Variants in MCF2 observed in about 807,000 individuals in gnomAD.
The protein encoded by MCF2 is MCF.2 cell line derived transforming sequence.
MCF2 carries 44 observed loss-of-function variants against 82.5 expected under a neutral mutation model. The observed-to-expected ratio is 0.53, with a 90% CI of 0.42 to 0.69. The LOEUF is 0.69. Among genes scored for constraint, MCF2 ranks in the 30% least tolerant of loss-of-function variants. The pLI is 0.00. For missense variants in MCF2, 623 were observed against 663.1 expected, an observed-to-expected ratio of 0.94 and a Z score of 0.66; for synonymous variants, 217 against 224.9, an observed-to-expected ratio of 0.96 and a Z score of 0.32.
At chrX:139,598,377 A>G (rs1930273150) in intron 17 of MCF2, 29 bp downstream of exon 21, 2 of 984,480 alleles carry the variant, frequency 2.0e-6, no homozygotes, top group East Asian at 3.1e-5. Context: ...CAAAAAGTAA[A>G]GAAACAAACA....
chrX:139,646,695 T>C (rs780993820), upstream of MCF2: 18 of 405,156 alleles, frequency 4.4e-5, no homozygotes, highest in South Asian at 4.5e-4. Flanking sequence ...TTCACCATGA[T>C]AATAATAGCT....
intron 5 of MCF2, 137 bp from the exon 9 acceptor site, chrX:139,626,444 C>T: frequency 1.7e-6 from 1 of 591,025 alleles, no homozygotes; most frequent in Non-Finnish European, 2.7e-6. Context: ...TAGAGACAAC[C>T]AATGTCCACA....
chrX:139,625,451 C>T (rs1324520654), intron 6 of MCF2, among the ~76,000 whole-genome samples: 2 of 111,249 alleles, frequency 1.8e-5, no homozygotes, highest in Non-Finnish European at 3.8e-5. Flanking sequence ...CTGAGCCCCG[C>T]GTCCAGAGTA....
At chrX:139,619,753 C>T in intron 6 of MCF2, 47 bp from the exon 10 acceptor site, 2 of 996,409 alleles carry the variant, frequency 2.0e-6, no homozygotes, top group Non-Finnish European at 2.7e-6. Flanking sequence ...AATTTATCCC[C>T]TTATGATCAA....
At chrX:139,646,882 G>C (rs764630665), upstream of MCF2, 9 of 1,168,657 alleles carry the variant, frequency 7.7e-6, no homozygotes, top group East Asian at 2.4e-4. Context: ...AATGATCCAA[G>C]CATTGTCCTT....
chrX:139,605,618 G>T, intron 13 of MCF2, 95 bp downstream of exon 17: 1 of 703,939 alleles, frequency 1.4e-6, no homozygotes, highest in South Asian at 3.2e-5. Flanking sequence ...CAAGGAAGGA[G>T]ACGGAAGTAG....
At chrX:139,632,341 T>A (rs765331285) in exon 2 of MCF2, 7 of 1,189,303 alleles carry the variant, frequency 5.9e-6, no homozygotes, top group Admixed American at 2.2e-5. Flanking sequence ...TTACTGGTAA[T>A]TTAAGCATAA....
intron 1 of MCF2, among the ~76,000 whole-genome samples, chrX:139,637,057 A>T (rs186209134): frequency 3.5e-4 from 39 of 111,703 alleles, no homozygotes; most frequent in African/African-American, 1.2e-3. Flanking sequence ...TGCACCATCA[A>T]AGGATGAAAA....
chrX:139,658,667 GTT>G lies in MCF2; in HGVS notation c.-44-6881_-44-6880del, dbSNP rs1182070757. 9.0e-3 allele frequency among the ~76,000 whole-genome samples: 508 copies of G among 56,565 alleles called. 1 individual carries two copies. Among genetic ancestry groups the G allele is most frequent in the African/African-American group, 0.036 (461 of 12,813 alleles). The allele number at this position is 56,565 out of a possible 115,157, so 49.1% of individuals were successfully genotyped here. ...TGAAGCCTCTGCTAAAAAAAGATGT[GTT>G]TTTTTTTTTTTTTTTTTTTTTTTGA... On this transcript the variant is annotated intron_variant, in intron 1 of 27. Transcript: ENST00000414978.
chrX:139,696,188 G>C (rs1181361079), intron 1 of MCF2, among the ~76,000 whole-genome samples: 1 of 111,521 alleles, frequency 9.0e-6, no homozygotes, highest in African/African-American at 3.3e-5. Context: ...GTGGTAAGGT[G>C]TTACACCATC....
chrX:139,626,976 C>T (rs17002184), intron 4 of MCF2, among the ~76,000 whole-genome samples: 2,286 of 112,218 alleles, frequency 0.02, 58 homozygotes, highest in African/African-American at 0.068. Flanking sequence ...TAGAGATGGA[C>T]GTTGCAATTA....
intron 22 of MCF2, 135 bp downstream of exon 26, chrX:139,587,581 G>T: frequency 2.2e-6 from 1 of 464,802 alleles, no homozygotes; most frequent in Non-Finnish European, 3.7e-6. Context: ...AGAAAATGAT[G>T]TTTATGGAAT....
chrX:139,604,812 A>C, intron 14 of MCF2, 57 bp downstream of exon 18: 2 of 1,069,823 alleles, frequency 1.9e-6, no homozygotes, highest in South Asian at 4.1e-5. Flanking sequence ...AAACTGGTAA[A>C]GAGAGCACTT....
At chrX:139,642,686 A>G in exon 1 of MCF2, 1 of 1,082,937 alleles carries the variant, frequency 9.2e-7, no homozygotes, top group Non-Finnish European at 1.2e-6. Context: ...GGGGAGGAAA[A>G]AAAAAAAAAA....
chrX:139,674,678 C>A (rs991596149), intron 1 of MCF2, among the ~76,000 whole-genome samples: 2 of 112,195 alleles, frequency 1.8e-5, no homozygotes, highest in African/African-American at 6.5e-5. Context: ...GGTAGAGTTT[C>A]TGCCGAGAGA....
At chrX:139,585,660 T>C (rs994601201) in intron 23 of MCF2, among the ~76,000 whole-genome samples, 1 of 111,913 alleles carries the variant, frequency 8.9e-6, no homozygotes, top group African/African-American at 3.2e-5. Context: ...GATCCTCATG[T>C]ATGCTTCTAC....
chrX:139,616,478 T>C lies in MCF2; in HGVS notation c.1000-5A>G, dbSNP rs762905684. On this transcript the variant is annotated splice_polypyrimidine_tract_variant and splice_region_variant and intron_variant, in intron 8 of 24. Coordinates refer to ENST00000370576, the Ensembl canonical transcript of MCF2. ...TTCATCACAGCATTGACGAGCCTGG[T>C]AAGAAAATCAAGAAGAAAAAAAAAA... The C allele has an allele frequency of 2.0e-6, 2 of 1,016,012 alleles. No homozygotes were observed. Among genetic ancestry groups the C allele is most frequent in the Non-Finnish European group, 2.6e-6 (2 of 778,886 alleles). 83.7% of individuals were successfully genotyped at this position (1,016,012 alleles called of 1,213,427 possible). A position where few individuals can be genotyped will look rare whatever the true frequency, so the allele number is the denominator to read the frequency against.
At chrX:139,593,556 T>C (rs1346633061) in intron 19 of MCF2, among the ~76,000 whole-genome samples, 2 of 110,907 alleles carry the variant, frequency 1.8e-5, no homozygotes, top group Non-Finnish European at 3.8e-5. Context: ...ATCATCCTGA[T>C]ACCAAAGCCG....
At chrX:139,608,988 T>G (rs1049906212) in intron 11 of MCF2, among the ~76,000 whole-genome samples, 6 of 112,143 alleles carry the variant, frequency 5.4e-5, no homozygotes, top group African/African-American at 1.9e-4. Context: ...AGCATTATCA[T>G]ATGCCACACA....
Sources: gnomAD v4.1 joint callset for allele counts (sites outside exome capture counted in the v4.1 genomes callset) on GRCh38, gnomAD v4.1.1 for gene constraint, MANE v1.5 for transcripts, NCBI Gene and HGNC (gene_info 2026-07-23, HGNC 2026-07-21) for gene names.